The following RBFOX1 variants were observed in gnomAD, a reference collection of about 807,000 sequenced individuals.
The protein encoded by RBFOX1 is RNA binding protein fox-1 homolog 1.
RBFOX1 carries 8 observed loss-of-function variants against 57.7 expected under a neutral mutation model. The observed-to-expected ratio is 0.14, with a 90% CI of 0.08 to 0.25. The LOEUF (loss-of-function observed/expected upper bound fraction) is 0.25, where lower values mean the gene tolerates loss of function less well. RBFOX1 is among the 10% of genes least tolerant of loss of function. The probability of loss-of-function intolerance (pLI) is 1.00; values close to 1 mark genes in which losing one functional copy is unlikely to be tolerated. For synonymous variants in RBFOX1, 326 were observed against 222.4 expected, an observed-to-expected ratio of 1.47 and a Z score of -4.15; for missense variants, 611 against 548.5, an observed-to-expected ratio of 1.11 and a Z score of -1.14.
intron 3 of RBFOX1, among the ~76,000 whole-genome samples, chr16:5,720,649 C>T (rs1326052135): frequency 6.6e-6 from 1 of 152,126 alleles, no homozygotes; most frequent in Non-Finnish European, 1.5e-5. Flanking sequence ...CTCTTGTGTG[C>T]AGTTATCCAG....
chr16:5,623,969 C>T (rs1490325914), intron 3 of RBFOX1, among the ~76,000 whole-genome samples: 1 of 152,184 alleles, frequency 6.6e-6, no homozygotes, highest in African/African-American at 2.4e-5. Context: ...TTTCCATCAT[C>T]CCCCAAAGAA....
intron 2 of RBFOX1, among the ~76,000 whole-genome samples, chr16:6,441,302 G>A (rs2094374947): frequency 6.6e-6 from 1 of 152,116 alleles, no homozygotes; most frequent in African/African-American, 2.4e-5. Context: ...ACATCCTAAG[G>A]GAACGAGCTC....
intron 2 of RBFOX1, among the ~76,000 whole-genome samples, chr16:6,534,273 G>A (rs1418615531): frequency 6.6e-6 from 1 of 152,128 alleles, no homozygotes; most frequent in African/African-American, 2.4e-5. Flanking sequence ...GTGTGTGTGT[G>A]TGTGTGCATA....
chr16:6,340,177 G>A (rs1474764521), intron 2 of RBFOX1, among the ~76,000 whole-genome samples: 2 of 152,130 alleles, frequency 1.3e-5, no homozygotes, highest in Non-Finnish European at 2.9e-5. Flanking sequence ...TGGCTTCAGT[G>A]CTAACAAGAG....
chr16:6,824,415 G>A (rs1276088661), intron 3 of RBFOX1, among the ~76,000 whole-genome samples: 1 of 152,156 alleles, frequency 6.6e-6, no homozygotes, highest in Non-Finnish European at 1.5e-5. Context: ...GTCAAAGACT[G>A]TAAACAGTTA....
chr16:7,141,861 A>G (rs115745789), intron 4 of RBFOX1, among the ~76,000 whole-genome samples: 1,994 of 152,044 alleles, frequency 0.013, 57 homozygotes, highest in African/African-American at 0.045. Context: ...GTTTCTTCTC[A>G]CCTATTCTCT....
At chr16:6,706,705 T>G (rs2062805555) in intron 3 of RBFOX1, among the ~76,000 whole-genome samples, 1 of 106,522 alleles carries the variant, frequency 9.4e-6, no homozygotes, top group Non-Finnish European at 1.8e-5. Context: ...TGGCTACAGC[T>G]GCAGTCTTTT....
chr16:6,234,882 T>C (rs763895520), intron 1 of RBFOX1, among the ~76,000 whole-genome samples: 1 of 152,128 alleles, frequency 6.6e-6, no homozygotes, highest in Admixed American at 6.5e-5. Flanking sequence ...ATTGCACTAG[T>C]ATCGGTTTCC....
At chr16:6,583,623 T>A (rs1237673678) in intron 2 of RBFOX1, among the ~76,000 whole-genome samples, 1 of 152,262 alleles carries the variant, frequency 6.6e-6, no homozygotes, top group Non-Finnish European at 1.5e-5. Context: ...AACTCTTAGT[T>A]CTTTGCTCTC....
At chr16:5,989,100 C>T (rs2060336716) in intron 4 of RBFOX1, among the ~76,000 whole-genome samples, 2 of 151,082 alleles carry the variant, frequency 1.3e-5, no homozygotes, top group Non-Finnish European at 2.9e-5. Context: ...GCGGGTGGAT[C>T]ACGAGGTCAA....
intron 5 of RBFOX1, among the ~76,000 whole-genome samples, chr16:7,548,490 C>T (rs2085277689): frequency 6.6e-6 from 1 of 152,318 alleles, no homozygotes; most frequent in South Asian, 2.1e-4. Context: ...TTACATTTGA[C>T]ACTGAGCACT....
At chr16:6,654,492 G>T in intron 2 of RBFOX1, 111 bp from the exon 3 acceptor site, 1 of 814,034 alleles carries the variant, frequency 1.2e-6, no homozygotes, top group Non-Finnish European at 1.9e-6. Context: ...TTAGGAGCAT[G>T]AGCTCTTTAT....
intron 2 of RBFOX1, among the ~76,000 whole-genome samples, chr16:5,520,995 T>C (rs2043990309): frequency 6.6e-6 from 1 of 152,206 alleles, no homozygotes; most frequent in South Asian, 2.1e-4. Flanking sequence ...AAGCATATTG[T>C]TAAAGTCCAT....
At chr16:7,698,183 G>GGTGTGTGT (rs59239865) in intron 14 of RBFOX1, among the ~76,000 whole-genome samples, 1,922 of 136,184 alleles carry the variant, frequency 0.014, 14 homozygotes, top group Non-Finnish European at 0.019. Context: ...AGTCCAAGAG[G>GGTGTGTGT]GTGTGTGTGT....
intron 2 of RBFOX1, among the ~76,000 whole-genome samples, chr16:6,616,740 T>G (rs761997974): frequency 6.6e-6 from 1 of 152,190 alleles, no homozygotes; most frequent in Admixed American, 6.5e-5. Context: ...CGGCAATAAG[T>G]TTTCTTAATT....
At chr16:6,937,114 A>G (rs1197658238) in intron 3 of RBFOX1, among the ~76,000 whole-genome samples, 4 of 152,212 alleles carry the variant, frequency 2.6e-5, no homozygotes, top group Non-Finnish European at 5.9e-5. Context: ...AAATAAAAAA[A>G]GATCCATCAG....
At chr16:7,307,252 G>T (rs1293241866) in intron 4 of RBFOX1, among the ~76,000 whole-genome samples, 1 of 152,102 alleles carries the variant, frequency 6.6e-6, no homozygotes, top group Admixed American at 6.6e-5. Flanking sequence ...GTTTCATATG[G>T]TTATTTCTTA....
At chr16:6,150,902 C>T (rs928764286) in intron 1 of RBFOX1, among the ~76,000 whole-genome samples, 2 of 152,114 alleles carry the variant, frequency 1.3e-5, no homozygotes, top group Non-Finnish European at 2.9e-5. Context: ...TTACATTTTC[C>T]GGCAATTCAT....
chr16:7,061,099 C>A (rs1042448855), intron 4 of RBFOX1, among the ~76,000 whole-genome samples: 4 of 152,064 alleles, frequency 2.6e-5, no homozygotes, highest in African/African-American at 4.8e-5. Context: ...TTTAATCTTA[C>A]ATAACGAATG....
Sources: gnomAD v4.1 joint callset for allele counts (sites outside exome capture counted in the v4.1 genomes callset) on GRCh38, gnomAD v4.1.1 for gene constraint, MANE v1.5 for transcripts, NCBI Gene and HGNC (gene_info 2026-07-23, HGNC 2026-07-21) for gene names.